Variants in SSU72 observed in about 807,000 individuals in gnomAD.
SSU72 encodes the protein SSU72 homolog, RNA polymerase II CTD phosphatase.
A neutral mutation model predicts 22.7 loss-of-function variants in SSU72; 12 were observed. The ratio of observed to expected loss-of-function variants is 0.53; its 90% confidence interval spans 0.34 to 0.86. The LOEUF is 0.86. SSU72 is among the 40% of genes least tolerant of loss of function. The pLI is 0.02. For missense variants in SSU72, 151 were observed against 249.8 expected, an observed-to-expected ratio of 0.60 and a Z score of 2.67; for synonymous variants, 116 against 98.3, an observed-to-expected ratio of 1.18 and a Z score of -1.06.
chr1:1,573,713 A>G (rs140828555), intron 1 of SSU72, among the ~76,000 whole-genome samples: 335 of 152,334 alleles, frequency 2.2e-3, no homozygotes, highest in Non-Finnish European at 3.1e-3. Flanking sequence ...GAAGCGAAAC[A>G]CTGTTTTCAT....
intron 2 of SSU72, chr1:1,563,622 A>G (rs1642622706): frequency 6.6e-6 from 1 of 151,314 alleles, no homozygotes; most frequent in Non-Finnish European, 1.5e-5. Flanking sequence ...GAGGACGAGG[A>G]GGGTGGATCA....
At chr1:1,545,159 G>A (rs1642375761) in intron 2 of SSU72, 157 bp from the exon 3 acceptor site, 8 of 814,038 alleles carry the variant, frequency 9.8e-6, no homozygotes, top group Non-Finnish European at 1.4e-5. Flanking sequence ...TGGTGAGGCA[G>A]GGGCCTCACT....
At chr1:1,572,065 G>A (rs1231996187) in intron 1 of SSU72, among the ~76,000 whole-genome samples, 1 of 151,100 alleles carries the variant, frequency 6.6e-6, no homozygotes, top group Non-Finnish European at 1.5e-5. Flanking sequence ...AAAGTGCTGG[G>A]ATTACAGGCG....
In SSU72 at chr1:1,542,604, A is replaced by G. The variant is rs543581956; in HGVS notation, c.484-437T>C. On this transcript the variant is annotated intron_variant, in intron 4 of 4. Coordinates refer to ENST00000291386, the MANE Select transcript of SSU72 (RefSeq NM_014188.3). The surrounding 1 kb of genome is among the most constrained non-coding windows in gnomAD (Gnocchi z 4.4). ...GCCCCTGGCAGAGGGCCGCTGCCCC[A>G]GAGTGAGCAGGCCCGGCTCCTAGGC... 2.6e-5 allele frequency among the ~76,000 whole-genome samples: 4 copies of G among 152,230 alleles called. No homozygotes were observed. In the East Asian group the frequency reaches 5.8e-4, roughly 22 times the overall value.
At chr1:1,572,741 G>C (rs921085626) in intron 1 of SSU72, among the ~76,000 whole-genome samples, 3 of 151,486 alleles carry the variant, frequency 2.0e-5, no homozygotes, top group African/African-American at 7.3e-5. Context: ...ACAGGTGTGA[G>C]CCACTGCGCC....
At chr1:1,558,520 G>T (rs894493730) in intron 2 of SSU72, among the ~76,000 whole-genome samples, 7 of 152,244 alleles carry the variant, frequency 4.6e-5, no homozygotes, top group Admixed American at 3.9e-4. Context: ...GAAAGTGTCA[G>T]ATGCACTTGC....
chr1:1,574,586 C>G lies in SSU72; in HGVS notation c.-29G>C, dbSNP rs545517535. On this transcript the variant is annotated 5_prime_UTR_variant, in exon 1 of 5. Transcript: ENST00000291386. The stretch of plus-strand genomic sequence containing the variant: ...GGCGGCCGCAAATCCCGCGGCTCTC[C>G]CGCTTGGGTTCCCACCCTACCGCGG... 6.3e-7 allele frequency: 1 copy of G among 1,575,322 alleles called. No homozygotes were observed. The highest frequency in any genetic ancestry group is 1.2e-5 in the South Asian group (1 of 86,630).
chr1:1,571,935 C>A (rs1233108566), intron 1 of SSU72, among the ~76,000 whole-genome samples: 1 of 151,614 alleles, frequency 6.6e-6, no homozygotes, highest in Non-Finnish European at 1.5e-5. Context: ...GCTGGGACTA[C>A]AGGCGCCCGT....
At position 1,574,514 on chromosome 1, in the gene SSU72, T is replaced by C. The variant is rs1642784991; in HGVS notation, c.44A>G (p.Asn15Ser). The change falls in exon 1 of 5, where the codon AAC (asparagine) becomes AGC (serine). Residue 15 changes from asparagine (N) to serine (S), a missense_variant. Physicochemically the swap from Asn to Ser is conservative, Grantham distance 46. Transcript: ENST00000291386. ...PLRVAVVCSS[N>S]QNRSMEAHNI... ...GTGCGCCTCCATGCTCCGGTTCTGGTTGCTCGAGCACACCACCGCCACCCG... is the reference window on the plus strand; with the variant it reads ...GTGCGCCTCCATGCTCCGGTTCTGGCTGCTCGAGCACACCACCGCCACCCG... 3 of 1,594,574 alleles carry C rather than the reference T, an allele frequency of 1.9e-6. No individual in the cohort carries two copies. The highest frequency in any genetic ancestry group is 1.7e-5 in the Admixed American group (1 of 58,518).
intron 2 of SSU72, among the ~76,000 whole-genome samples, chr1:1,559,580 C>T (rs1642560402): frequency 1.3e-5 from 2 of 152,286 alleles, no homozygotes; most frequent in Non-Finnish European, 2.9e-5. Context: ...CAGGTATATA[C>T]ACTACTACTA....
chr1:1,566,243 C>A (rs562525629), intron 1 of SSU72, among the ~76,000 whole-genome samples: 1 of 151,950 alleles, frequency 6.6e-6, no homozygotes, highest in African/African-American at 2.4e-5. Context: ...CCAGCCTGGG[C>A]AAAAGAGCGA....
chr1:1,567,932 G>A (rs962350038), intron 1 of SSU72, among the ~76,000 whole-genome samples: 2 of 84,034 alleles, frequency 2.4e-5, no homozygotes, highest in Admixed American at 1.3e-4. Flanking sequence ...AAAAAAAATC[G>A]CACAAAGAAG....
chr1:1,558,921 A>G (rs1274457370), intron 2 of SSU72, among the ~76,000 whole-genome samples: 1 of 152,258 alleles, frequency 6.6e-6, no homozygotes, highest in Non-Finnish European at 1.5e-5. Context: ...AGGCACTCCA[A>G]GCAAGCTTGG....
At chr1:1,561,032 A>AC (rs1557502412) in intron 2 of SSU72, 1 of 152,068 alleles carries the variant, frequency 6.6e-6, no homozygotes, top group African/African-American at 2.4e-5. Context: ...GTCCCCCTCG[A>AC]CCCCGGCCCT....
chr1:1,548,764 TG>T (rs1327886055), intron 2 of SSU72, among the ~76,000 whole-genome samples: 1 of 152,154 alleles, frequency 6.6e-6, no homozygotes, highest in Non-Finnish European at 1.5e-5. Context: ...TTCTGGACTT[TG>T]GCGTAAACAG....
At position 1,574,721 on chromosome 1, in the gene SSU72, C is replaced by G; in HGVS notation, c.-164G>C. 2 of 544,284 alleles carry G rather than the reference C, an allele frequency of 3.7e-6. No homozygotes were observed. The highest frequency in any genetic ancestry group is 5.6e-6 in the Non-Finnish European group (2 of 355,016). The allele number at this position is 544,284 out of a possible 1,614,324, so 33.7% of individuals were successfully genotyped here. A position where few individuals can be genotyped will look rare whatever the true frequency, so the allele number is the denominator to read the frequency against. On this transcript the variant is annotated 5_prime_UTR_variant, in exon 1 of 5. Transcript: ENST00000291386. ...ACTGCGCGGCGGCCTCCCCGCCCAC[C>G]CTGGGCGCCGGGCCGCGGACGGAGC...
chr1:1,573,192 C>A (rs1333099382), intron 1 of SSU72, among the ~76,000 whole-genome samples: 4 of 149,272 alleles, frequency 2.7e-5, no homozygotes, highest in Non-Finnish European at 5.9e-5. Context: ...GGAGGCCGAG[C>A]GGGCAGATCA....
At chr1:1,550,664 C>T (rs1642445590) in intron 2 of SSU72, among the ~76,000 whole-genome samples, 1 of 152,174 alleles carries the variant, frequency 6.6e-6, no homozygotes, top group Non-Finnish European at 1.5e-5. Context: ...AGTGATCTCG[C>T]CTGGCAGAGC....
At chr1:1,558,353 G>C (rs1375420948) in intron 2 of SSU72, among the ~76,000 whole-genome samples, 1 of 152,140 alleles carries the variant, frequency 6.6e-6, no homozygotes. Context: ...ACACGACAGA[G>C]AGACGCCCTG....
Sources: allele counts gnomAD v4.1 joint callset (sites outside exome capture counted in the v4.1 genomes callset), GRCh38; gene constraint gnomAD v4.1.1; non-coding constraint Gnocchi (gnomAD v3.1); transcripts MANE v1.5; gene names NCBI Gene and HGNC (gene_info 2026-07-23, HGNC 2026-07-21).